Variants in UNC5A observed in about 807,000 individuals in gnomAD.
UNC5A encodes the protein unc-5 netrin receptor A.
In UNC5A, 20 loss-of-function variants were observed where a neutral mutation model predicts 87.4. The observed-to-expected ratio is 0.23, with a 90% CI of 0.16 to 0.33. The LOEUF (loss-of-function observed/expected upper bound fraction) is 0.33. Among genes scored for constraint, UNC5A ranks in the 10% least tolerant of loss-of-function variants. The pLI, the probability that UNC5A is intolerant of heterozygous loss-of-function variation, is 1.00. For synonymous variants in UNC5A, 438 were observed against 482.3 expected (o/e 0.91, Z 1.20); for missense variants, 844 against 1,133.4 (o/e 0.74, Z 3.67).
At position 176,852,764 on chromosome 5, in the gene UNC5A, G is replaced by A. The variant is rs117307939; in HGVS notation, c.71-9860G>A. Among the ~76,000 whole-genome samples, 173 of 152,328 alleles carry A rather than the reference G, an allele frequency of 1.1e-3. 6 individuals are homozygous for A. In the South Asian group the frequency reaches 0.032, roughly 28 times the overall value. On this transcript the variant is annotated intron_variant, in intron 1 of 14. Transcript: ENST00000329542. ...TTTGCGGTGGGTTCAGGTACTTAGC[G>A]ATGGCAACAGTGTCACACTAAGTGT...
chr5:176,873,480 C>G (rs1352926010), intron 6 of UNC5A, among the ~76,000 whole-genome samples: 1 of 152,170 alleles, frequency 6.6e-6, no homozygotes, highest in African/African-American at 2.4e-5. Flanking sequence ...CTCCCCAGAC[C>G]TGCCCCAGGC....
chr5:176,846,288 G>A (rs1304006212), intron 1 of UNC5A, among the ~76,000 whole-genome samples: 2 of 151,954 alleles, frequency 1.3e-5, no homozygotes, highest in African/African-American at 2.4e-5. Context: ...AGACAGAGGG[G>A]TCTTTTGGCA....
chr5:176,862,490 G>A, intron 1 of UNC5A, 134 bp from the exon 2 acceptor site: 1 of 865,984 alleles, frequency 1.2e-6, no homozygotes, highest in Non-Finnish European at 1.8e-6. Context: ...AGATTGCCCA[G>A]CTGGGACATG....
intron 2 of UNC5A, among the ~76,000 whole-genome samples, chr5:176,867,483 G>A (rs72811295): frequency 1.4e-3 from 209 of 152,222 alleles, no homozygotes; most frequent in Non-Finnish European, 2.3e-3. Context: ...CTCACCCTTC[G>A]GATGCAGACA....
chr5:176,818,438 G>C (rs1440495401), intron 1 of UNC5A, among the ~76,000 whole-genome samples: 1 of 152,234 alleles, frequency 6.6e-6, no homozygotes, highest in African/African-American at 2.4e-5. Context: ...GGAGCCCCTG[G>C]GGGCTATAGA....
chr5:176,826,361 C>T (rs905947468), intron 1 of UNC5A, among the ~76,000 whole-genome samples: 11 of 152,182 alleles, frequency 7.2e-5, no homozygotes, highest in East Asian at 5.8e-4. Context: ...CATGGGAGGG[C>T]GCAGGGAGCA....
In UNC5A at chr5:176,869,824, A is replaced by G; in HGVS notation, c.722-546A>G. On this transcript the variant is annotated intron_variant, in intron 5 of 14. Transcript: ENST00000329542. This position sits in a 1 kb window ranked among gnomAD's most constrained non-coding sequence, Gnocchi z 9.1. ...CTCCCGCATCGTTCCTCACCACGCC[A>G]TCTCCGTGCCCTGGCTCCATCGCGC... The G allele has an allele frequency of 3.5e-6, 2 of 579,204 alleles. No individual in the cohort carries two copies. The highest frequency in any genetic ancestry group is 3.9e-5 in the South Asian group (2 of 50,934). The allele number at this position is 579,204 out of a possible 1,614,324, so 35.9% of individuals were successfully genotyped here. A position where few individuals can be genotyped will look rare whatever the true frequency, so the allele number is the denominator to read the frequency against.
At chr5:176,862,114 G>A (rs540750470) in intron 1 of UNC5A, among the ~76,000 whole-genome samples, 2 of 152,210 alleles carry the variant, frequency 1.3e-5, no homozygotes, top group Admixed American at 6.5e-5. Context: ...CGCCTTGCCC[G>A]TGCCCACCCC....
chr5:176,870,568 T>G, intron 6 of UNC5A, 34 bp downstream of exon 6: 1 of 1,543,946 alleles, frequency 6.5e-7, no homozygotes, highest in Non-Finnish European at 8.8e-7. Flanking sequence ...CCTCTTCTGT[T>G]TGCCTGGATT....
chr5:176,830,925 GGTGT>G (rs1367019415), intron 1 of UNC5A, among the ~76,000 whole-genome samples: 1 of 119,054 alleles, frequency 8.4e-6, no homozygotes, highest in Non-Finnish European at 1.6e-5. Context: ...CGTGTGTGTG[GGTGT>G]GTGTGTGCTG....
intron 1 of UNC5A, among the ~76,000 whole-genome samples, chr5:176,839,136 G>C (rs901809139): frequency 6.6e-6 from 1 of 152,104 alleles, no homozygotes; most frequent in African/African-American, 2.4e-5. Context: ...CACCTTCCAG[G>C]CCCCTCTCAA....
chr5:176,830,982 G>C (rs1487890926), intron 1 of UNC5A, among the ~76,000 whole-genome samples: 1 of 151,714 alleles, frequency 6.6e-6, no homozygotes, highest in Non-Finnish European at 1.5e-5. Flanking sequence ...TGGTGTGTGT[G>C]TGTGTGAGAT....
rs961238405 is a variant in UNC5A, at chr5:176,844,270, G to A, written c.71-18354G>A. On this transcript the variant is annotated intron_variant, in intron 1 of 14. Coordinates refer to ENST00000329542, the MANE Select transcript of UNC5A (RefSeq NM_133369.3). This position sits in a 1 kb window ranked among gnomAD's most constrained non-coding sequence, Gnocchi z 4.2. Reference sequence around the variant, plus strand: ...AGAGAACACTTGGTCCTGGTATCCCGTGGGCCACCGGGGTTCTCTTGGTGG... The same window carrying A: ...AGAGAACACTTGGTCCTGGTATCCCATGGGCCACCGGGGTTCTCTTGGTGG... Among the ~76,000 whole-genome samples, 10 of 152,240 alleles carry A rather than the reference G, an allele frequency of 6.6e-5. No homozygotes were observed. The highest frequency in any genetic ancestry group is 4.6e-4 in the Admixed American group (7 of 15,292).
In UNC5A at chr5:176,864,084, A is replaced by T. The variant is rs750031355; in HGVS notation, c.292+1239A>T. On this transcript the variant is annotated intron_variant, in intron 2 of 14. Transcript: ENST00000329542. ...AGGCTCAAGCCACAGTGCAGCTGGG[A>T]CAAGCAGGTGTCACCCAGGACTCCC... is the stretch of plus-strand genomic sequence containing the variant. Among the ~76,000 whole-genome samples the T allele has an allele frequency of 2.0e-4, 30 of 151,720 alleles. 1 individual carries two copies. Among genetic ancestry groups the T allele is most frequent in the South Asian group, 2.1e-4 (1 of 4,798 alleles).
chr5:176,852,733 G>C (rs1430597989), intron 1 of UNC5A, among the ~76,000 whole-genome samples: 2 of 152,248 alleles, frequency 1.3e-5, no homozygotes, highest in Non-Finnish European at 2.9e-5. Context: ...GAGTTTCTGA[G>C]TTCCCTTTGC....
intron 1 of UNC5A, among the ~76,000 whole-genome samples, chr5:176,860,621 G>A (rs1757812964): frequency 6.6e-6 from 1 of 152,038 alleles, no homozygotes. Flanking sequence ...TCGGGCCTCA[G>A]GTTCCCCGTC....
At chr5:176,861,307 G>A (rs1581268051) in intron 1 of UNC5A, among the ~76,000 whole-genome samples, 1 of 152,182 alleles carries the variant, frequency 6.6e-6, no homozygotes, top group South Asian at 2.1e-4. Context: ...TGGGCACCAC[G>A]CCCCATTTTG....
Position 176,880,380 on chromosome 5 carries a change from A to T in UNC5A, c.*494A>T, listed in dbSNP as rs1459844905. 6.5e-6 allele frequency: 1 copy of T among 154,904 alleles called. No individual in the cohort carries two copies. The highest frequency in any genetic ancestry group is 2.4e-5 in the African/African-American group (1 of 41,474). The allele number at this position is 154,904 out of a possible 1,614,324, so 9.6% of individuals were successfully genotyped here. A position where few individuals can be genotyped will look rare whatever the true frequency, so the allele number is the denominator to read the frequency against. On this transcript the variant is annotated 3_prime_UTR_variant, in exon 15 of 15. Transcript: ENST00000329542. ...CGAGGGCCACAGCCGGACAGGGGGT[A>T]GCCCCTGGATTCAGGCACACGACCA...
At chr5:176,834,092 T>TGGCACTGGGGAGGTGG (rs1757092018) in intron 1 of UNC5A, among the ~76,000 whole-genome samples, 1 of 152,232 alleles carries the variant, frequency 6.6e-6, no homozygotes, top group Non-Finnish European at 1.5e-5. Context: ...GGCTCTAAGC[T>TGGCACTGGGGAGGTGG]GGCACTGGGG....
Sources: gnomAD v4.1 joint callset for allele counts (sites outside exome capture counted in the v4.1 genomes callset) on GRCh38, gnomAD v4.1.1 for gene constraint, Gnocchi (gnomAD v3.1) non-coding constraint, MANE v1.5 for transcripts, NCBI Gene and HGNC (gene_info 2026-07-23, HGNC 2026-07-21) for gene names.